PPP1R7: variants seen among roughly 807,000 people sequenced by gnomAD.
The protein encoded by PPP1R7 is protein phosphatase 1 regulatory subunit 22.
In PPP1R7, 18 loss-of-function variants were observed where a neutral mutation model predicts 45.2. The observed-to-expected ratio is 0.40, with a 90% CI of 0.28 to 0.59. PPP1R7 has a LOEUF of 0.59. Ranked by LOEUF, PPP1R7 falls within the 20% of genes least tolerant of loss-of-function variation. The pLI is 0.46. For synonymous variants in PPP1R7, 181 were observed against 183.4 expected (o/e 0.99, Z 0.11); for missense variants, 314 against 455.8 (o/e 0.69, Z 2.83).
chr2:241,150,589 CG>C (rs758649824), intron 1 of PPP1R7, 42 bp downstream of exon 1: 74 of 1,564,534 alleles, frequency 4.7e-5, no homozygotes, highest in Non-Finnish European at 6.0e-5. Flanking sequence ...GCCCAGCGGG[CG>C]GGGGGAGCTG....
chr2:241,168,131 CT>C (rs2067752866), intron 8 of PPP1R7, among the ~76,000 whole-genome samples: 1 of 152,290 alleles, frequency 6.6e-6, no homozygotes, highest in African/African-American at 2.4e-5. Context: ...CTGTTCCATT[CT>C]TTTTTTCTGT....
intron 1 of PPP1R7, 124 bp downstream of exon 1, chr2:241,150,671 G>A: frequency 3.8e-6 from 5 of 1,302,710 alleles, no homozygotes; most frequent in Non-Finnish European, 4.9e-6. Flanking sequence ...GCGGCCCCCT[G>A]ACAGCTGACA....
At chr2:241,160,250 C>T (rs951198297) in intron 5 of PPP1R7, 82 bp from the exon 6 acceptor site, 2 of 1,208,956 alleles carry the variant, frequency 1.7e-6, no homozygotes, top group African/African-American at 3.1e-5. Context: ...GATGGGGACG[C>T]CACCTTTAGT....
At chr2:241,158,909 G>A in intron 4 of PPP1R7, 1 of 416,442 alleles carries the variant, frequency 2.4e-6, no homozygotes, top group Non-Finnish European at 4.4e-6. Context: ...CTTATGTTCT[G>A]CCAGGAAGTG....
chr2:241,163,305 C>T lies in PPP1R7; in HGVS notation c.618C>T (p.Thr206=). Residue 206 remains threonine, a synonymous_variant, in exon 7 of 10, where the codon ACC becomes ACT. Transcript: ENST00000234038. The stretch of plus-strand genomic sequence containing the variant: ...CACAGGCAATCGAAAATATCGACAC[C>T]TTAACCAACCTGGAGAGTTTGTTTT... The part of the protein sequence containing the change: ...NRIRAIENID[T]LTNLESLFLG... The T allele has an allele frequency of 1.2e-6, 2 of 1,613,312 alleles. No homozygotes were observed. Among genetic ancestry groups the T allele is most frequent in the East Asian group, 2.2e-5 (1 of 44,882 alleles).
chr2:241,175,579 A>T (rs906953979), intron 9 of PPP1R7, among the ~76,000 whole-genome samples: 1 of 152,188 alleles, frequency 6.6e-6, no homozygotes, highest in African/African-American at 2.4e-5. Flanking sequence ...TCTCACCAGC[A>T]TCTGGAATAG....
At chr2:241,173,011 G>A (rs1263843755) in intron 9 of PPP1R7, among the ~76,000 whole-genome samples, 2 of 151,384 alleles carry the variant, frequency 1.3e-5, no homozygotes, top group Non-Finnish European at 2.9e-5. Flanking sequence ...TAGAGATGGG[G>A]CCAGACACGG....
intron 9 of PPP1R7, 54 bp downstream of exon 9, chr2:241,169,921 G>C: frequency 7.4e-7 from 1 of 1,350,910 alleles, no homozygotes; most frequent in Non-Finnish European, 1.1e-6. Flanking sequence ...TGGTCTCACT[G>C]ATTAAAATGT....
In PPP1R7 at chr2:241,182,831, T is replaced by A. The variant is rs2068028231; in HGVS notation, c.*8T>A. ...ACGTTCGTCAGGTTCTGAGTCCTTC[T>A]TGGCTCCTCATGTGGTCCCTCTCCT... On this transcript the variant is annotated 3_prime_UTR_variant, in exon 10 of 10. Transcript: ENST00000234038. The A allele has an allele frequency of 6.2e-7, 1 of 1,606,192 alleles. No individual in the cohort carries two copies. Among genetic ancestry groups the A allele is most frequent in the Non-Finnish European group, 8.5e-7 (1 of 1,173,408 alleles).
At chr2:241,155,015 T>A (rs2067420349) in intron 2 of PPP1R7, 1 of 152,260 alleles carries the variant, frequency 6.6e-6, no homozygotes, top group South Asian at 2.1e-4. Context: ...ACATTCACTT[T>A]GGAACTTTGA....
intron 7 of PPP1R7, among the ~76,000 whole-genome samples, chr2:241,164,157 A>G (rs2067656679): frequency 6.7e-6 from 1 of 148,556 alleles, no homozygotes; most frequent in Admixed American, 6.7e-5. Context: ...ACTCAAGCAA[A>G]CCTCCTGCCT....
intron 1 of PPP1R7, among the ~76,000 whole-genome samples, chr2:241,152,878 ACT>A (rs2067356116): frequency 6.6e-6 from 1 of 152,166 alleles, no homozygotes; most frequent in Non-Finnish European, 1.5e-5. Flanking sequence ...AGTTGCTAAC[ACT>A]CTGTCCAGTG....
intron 7 of PPP1R7, 42 bp from the exon 8 acceptor site, chr2:241,166,295 C>T: frequency 2.6e-6 from 4 of 1,517,130 alleles, no homozygotes; most frequent in Non-Finnish European, 3.7e-6. Context: ...CATTTCATAC[C>T]TTCTGTACTG....
rs187562132 is a variant in PPP1R7 at position 241,158,271 on chromosome 2, A to G, written c.238-213A>G. 1.7e-3 allele frequency among the ~76,000 whole-genome samples: 253 copies of G among 152,312 alleles called. 1 individual carries two copies. Among genetic ancestry groups the G allele is most frequent in the Middle Eastern group, 3.4e-3 (1 of 294 alleles). Reference sequence around the variant, plus strand: ...AAGGAATGAGAAAAAGATGTCATGTACCAATCATTTTAAGGGCCAGTTTTA... The same window carrying G: ...AAGGAATGAGAAAAAGATGTCATGTGCCAATCATTTTAAGGGCCAGTTTTA... On this transcript the variant is annotated intron_variant, in intron 3 of 9. Coordinates refer to ENST00000234038, the MANE Select transcript of PPP1R7 (RefSeq NM_002712.3).
At chr2:241,160,602 A>C in intron 6 of PPP1R7, 108 bp downstream of exon 6, 1 of 1,007,702 alleles carries the variant, frequency 9.9e-7, no homozygotes, top group South Asian at 2.2e-5. Context: ...CATTTCTTAC[A>C]ATGCTGTGAT....
intron 9 of PPP1R7, among the ~76,000 whole-genome samples, chr2:241,180,524 C>T (rs1319925606): frequency 1.3e-5 from 2 of 151,852 alleles, no homozygotes; most frequent in Non-Finnish European, 2.9e-5. Flanking sequence ...GTTGGACAAG[C>T]TTGGTTTAAG....
chr2:241,166,992 C>T, intron 8 of PPP1R7: 1 of 1,538,530 alleles, frequency 6.5e-7, no homozygotes, highest in Non-Finnish European at 9.0e-7. Context: ...GCTTTCCACA[C>T]CTGTCCTCAC....
chr2:241,158,597 T>C (rs1467640228), intron 4 of PPP1R7, 48 bp downstream of exon 4: 3 of 1,565,338 alleles, frequency 1.9e-6, no homozygotes, highest in Non-Finnish European at 1.8e-6. Flanking sequence ...CCATAGGATG[T>C]GGATAAGTCC....
chr2:241,163,694 C>T (rs1305301338), intron 7 of PPP1R7, among the ~76,000 whole-genome samples: 1 of 152,148 alleles, frequency 6.6e-6, no homozygotes, highest in Non-Finnish European at 1.5e-5. Context: ...GCCTCCAACT[C>T]CTGGGCTCAA....
Sources: allele counts gnomAD v4.1 joint callset (sites outside exome capture counted in the v4.1 genomes callset), GRCh38; gene constraint gnomAD v4.1.1; transcripts MANE v1.5; gene names NCBI Gene and HGNC (gene_info 2026-07-23, HGNC 2026-07-21).